The following LIMS1 variants were observed in gnomAD, a reference collection of about 807,000 sequenced individuals.
The protein encoded by LIMS1 is LIM zinc finger domain containing 1, also known as LIM and senescent cell antigen-like-containing domain protein 1.
A neutral mutation model predicts 44.1 loss-of-function variants in LIMS1; 18 were observed. The observed-to-expected ratio is 0.41, with a 90% CI of 0.28 to 0.61. The LOEUF (loss-of-function observed/expected upper bound fraction) is 0.61. Among genes scored for constraint, LIMS1 ranks in the 20% least tolerant of loss-of-function variants. The pLI is 0.32. For missense variants in LIMS1, 201 were observed against 422.0 expected (o/e 0.48, Z 4.59); for synonymous variants, 93 against 149.1 (o/e 0.62, Z 2.74).
chr2:108,603,311 A>G (rs1270755997), intron 1 of LIMS1, among the ~76,000 whole-genome samples: 2 of 151,820 alleles, frequency 1.3e-5, no homozygotes, highest in African/African-American at 4.8e-5. Context: ...TGATCTCGTT[A>G]CTTGTTATTG....
At chr2:108,643,825 G>C (rs562758054) in intron 1 of LIMS1, among the ~76,000 whole-genome samples, 2 of 152,334 alleles carry the variant, frequency 1.3e-5, no homozygotes, top group African/African-American at 4.8e-5. Context: ...CTCCAGCTTG[G>C]TTGGGGAAGG....
At chr2:108,560,522 G>A (rs561054885) in intron 1 of LIMS1, among the ~76,000 whole-genome samples, 1 of 151,980 alleles carries the variant, frequency 6.6e-6, no homozygotes, top group East Asian at 1.9e-4. Context: ...CCTACCCAAA[G>A]ACTGTGGCAG....
At chr2:108,594,567 C>T (rs1686569198) in intron 1 of LIMS1, among the ~76,000 whole-genome samples, 2 of 151,834 alleles carry the variant, frequency 1.3e-5, no homozygotes, top group African/African-American at 4.8e-5. Flanking sequence ...TGAGCGTATT[C>T]AATAAGCAGG....
intron 1 of LIMS1, among the ~76,000 whole-genome samples, chr2:108,653,579 C>T (rs1317200813): frequency 6.6e-6 from 1 of 151,962 alleles, no homozygotes; most frequent in East Asian, 1.9e-4. Flanking sequence ...GATTCTGAGC[C>T]CTTTAGTTGT....
chr2:108,635,429 T>TAAAAAA lies in LIMS1; in HGVS notation c.33-24160_33-24155dup, dbSNP rs70956264. On this transcript the variant is annotated intron_variant, in intron 1 of 9. Transcript: ENST00000544547. ...GGGGGAAAGAGCAAGACTTCATCTC[T>TAAAAAA]AAAAAAAAAAAAAAAAAAAAAGAAT... Among the ~76,000 whole-genome samples, 81 of 86,680 alleles carry TAAAAAA rather than the reference T, an allele frequency of 9.3e-4. 1 individual carries two copies. The highest frequency in any genetic ancestry group is 1.3e-3 in the Non-Finnish European group (61 of 47,960). The allele number at this position is 86,680 out of a possible 152,430, so 56.9% of individuals were successfully genotyped here.
At chr2:108,636,292 C>G (rs113508376) in intron 1 of LIMS1, among the ~76,000 whole-genome samples, 1,859 of 152,304 alleles carry the variant, frequency 0.012, 45 homozygotes, top group African/African-American at 0.043. Flanking sequence ...CCCAAGGTAC[C>G]CCCTACATAG....
chr2:108,679,260 A>G (rs930909230), intron 8 of LIMS1, among the ~76,000 whole-genome samples: 25 of 151,734 alleles, frequency 1.6e-4, no homozygotes, highest in Admixed American at 7.3e-4. Context: ...GGGCAGATCA[A>G]CTGAGGTCAA....
At chr2:108,618,190 T>G (rs1394561921) in intron 1 of LIMS1, among the ~76,000 whole-genome samples, 1 of 152,154 alleles carries the variant, frequency 6.6e-6, no homozygotes, top group Non-Finnish European at 1.5e-5. Flanking sequence ...TTTAGAGTGC[T>G]AAAATGAAAA....
At chr2:108,664,620 T>C (rs1292739420) in intron 2 of LIMS1, among the ~76,000 whole-genome samples, 1 of 152,266 alleles carries the variant, frequency 6.6e-6, no homozygotes, top group Non-Finnish European at 1.5e-5. Context: ...TTTATGATTC[T>C]TGATTTTTAA....
rs548066982 is a variant in LIMS1 at position 108,563,017 on chromosome 2, A to G, written c.32+28423A>G. On this transcript the variant is annotated intron_variant, in intron 1 of 9. Transcript: ENST00000544547. ...GCTAAATCTACTCTGCCTCTGCTCTATAAATGGAACACTGAAGTCTGGATG... is the reference window on the plus strand; with the variant it reads ...GCTAAATCTACTCTGCCTCTGCTCTGTAAATGGAACACTGAAGTCTGGATG... 3.3e-5 allele frequency among the ~76,000 whole-genome samples: 5 copies of G among 152,364 alleles called. No individual in the cohort carries two copies. In the South Asian group the frequency reaches 1.0e-3, roughly 32 times the overall value.
intron 1 of LIMS1, among the ~76,000 whole-genome samples, chr2:108,591,789 G>GT (rs935084572): frequency 1.6e-3 from 149 of 91,320 alleles, no homozygotes; most frequent in Middle Eastern, 0.01. Context: ...AATGTTTTTA[G>GT]TTTTTTTTTT....
intron 1 of LIMS1, among the ~76,000 whole-genome samples, chr2:108,557,321 C>T (rs1248389125): frequency 6.6e-6 from 1 of 152,090 alleles, no homozygotes; most frequent in Non-Finnish European, 1.5e-5. Context: ...AAGTGTTGCT[C>T]CTGCCTCAGC....
chr2:108,649,858 C>A (rs776456813), intron 1 of LIMS1, among the ~76,000 whole-genome samples: 3 of 152,128 alleles, frequency 2.0e-5, no homozygotes, highest in Non-Finnish European at 2.9e-5. Context: ...AGAAGAAATA[C>A]CTAATGTAGA....
chr2:108,648,162 A>G (rs1468343448), intron 1 of LIMS1, among the ~76,000 whole-genome samples: 1 of 152,234 alleles, frequency 6.6e-6, no homozygotes, highest in African/African-American at 2.4e-5. Context: ...GCATTCCTAT[A>G]CACCAATAAC....
At chr2:108,594,412 T>G (rs1324130846) in intron 1 of LIMS1, among the ~76,000 whole-genome samples, 2 of 152,188 alleles carry the variant, frequency 1.3e-5, no homozygotes, top group African/African-American at 4.8e-5. Context: ...TAAAATGCTT[T>G]CTTTGTGTTC....
At chr2:108,536,495 G>C (rs2104560797) in intron 1 of LIMS1, among the ~76,000 whole-genome samples, 2 of 152,364 alleles carry the variant, frequency 1.3e-5, no homozygotes, top group Non-Finnish European at 2.9e-5. Context: ...ATGTACAGCA[G>C]TTTAACTGTT....
intron 1 of LIMS1, among the ~76,000 whole-genome samples, chr2:108,603,495 C>CTTTT (rs55909729): frequency 0.019 from 1,703 of 88,052 alleles, 41 homozygotes; most frequent in East Asian, 0.085. Flanking sequence ...TTTTCATCGC[C>CTTTT]TTTTTTTTTT....
At chr2:108,588,197 G>A in intron 1 of LIMS1, 1 of 245,696 alleles carries the variant, frequency 4.1e-6, no homozygotes, top group Non-Finnish European at 6.5e-6. Context: ...ACATTTAGGG[G>A]TGTTGTCCTA....
intron 1 of LIMS1, chr2:108,607,374 A>G (rs1216000635): frequency 6.2e-6 from 6 of 962,828 alleles, no homozygotes; most frequent in Non-Finnish European, 9.7e-6. Flanking sequence ...GTGTGCACAT[A>G]TAGAAGTGAT....
Sources: gnomAD v4.1 joint callset for allele counts (sites outside exome capture counted in the v4.1 genomes callset) on GRCh38, gnomAD v4.1.1 for gene constraint, MANE v1.5 for transcripts, NCBI Gene and HGNC (gene_info 2026-07-23, HGNC 2026-07-21) for gene names.